The following DENND5B variants were observed in gnomAD, a reference collection of about 807,000 sequenced individuals.
DENND5B encodes the protein DENN domain-containing protein 5B.
Under a neutral mutation model 140.6 loss-of-function variants are expected in DENND5B, and 34 were observed. That is an observed-to-expected ratio of 0.24 (90% CI 0.18 to 0.32). DENND5B has a LOEUF of 0.32. DENND5B is among the 10% of genes least tolerant of loss of function. The probability of loss-of-function intolerance (pLI) is 1.00; values close to 1 mark genes in which losing one functional copy is unlikely to be tolerated. For missense variants in DENND5B, 1,142 were observed against 1,560.2 expected (o/e 0.73, Z 4.52); for synonymous variants, 551 against 562.1 (o/e 0.98, Z 0.28).
In DENND5B at chr12:31,426,288, C is replaced by T; in HGVS notation, c.2238+5G>A. On this transcript the variant is annotated splice_donor_5th_base_variant and intron_variant, in intron 9 of 20. Transcript: ENST00000389082. The stretch of plus-strand genomic sequence containing the variant: ...CACTGTCTGGCATCAGTGAATAATA[C>T]ATACCTTCATTCTACATTCTTTTAA... 1 of 1,605,222 alleles carries T rather than the reference C, an allele frequency of 6.2e-7. No individual in the cohort carries two copies. Among genetic ancestry groups the T allele is most frequent in the Non-Finnish European group, 8.5e-7 (1 of 1,175,772 alleles).
intron 1 of DENND5B, among the ~76,000 whole-genome samples, chr12:31,521,563 G>A (rs1266495843): frequency 6.6e-6 from 1 of 152,104 alleles, no homozygotes; most frequent in African/African-American, 2.4e-5. Context: ...TTTCATTTTT[G>A]TTAGTCTGTC....
chr12:31,481,193 C>G (rs543129373), intron 2 of DENND5B, among the ~76,000 whole-genome samples: 7 of 152,232 alleles, frequency 4.6e-5, no homozygotes, highest in Admixed American at 1.3e-4. Context: ...TATATTATTA[C>G]TATTTTTCTA....
chr12:31,409,757 G>T (rs1021962139), intron 13 of DENND5B, among the ~76,000 whole-genome samples: 1 of 152,042 alleles, frequency 6.6e-6, no homozygotes, highest in Admixed American at 6.5e-5. Context: ...GGGATTACAG[G>T]CATGAGCCAC....
chr12:31,387,570 A>G lies in DENND5B; in HGVS notation c.*33T>C. The G allele has an allele frequency of 6.3e-7, 1 of 1,596,838 alleles. No homozygotes were observed. The highest frequency in any genetic ancestry group is 1.1e-5 in the South Asian group (1 of 89,394). On this transcript the variant is annotated 3_prime_UTR_variant, in exon 21 of 21. Transcript: ENST00000389082. ...TCGGTCCCCTAGTTGGGGAAGGAGCAAGGTTTGGACTGAGAGTTTCTAGCC... is the reference window on the plus strand; with the variant it reads ...TCGGTCCCCTAGTTGGGGAAGGAGCGAGGTTTGGACTGAGAGTTTCTAGCC...
At position 31,515,451 on chromosome 12, in the gene DENND5B, CATTATTA is replaced by C. The variant is rs1468933782; in HGVS notation, c.128-19539_128-19533del. On this transcript the variant is annotated intron_variant, in intron 1 of 20. Transcript: ENST00000389082. ...AGATGAGAAATAACCAGGGAAACTA[CATTATTA>C]ATTTTGTACTTCTGTAAGACCATTC... Among the ~76,000 whole-genome samples, 6 of 152,264 alleles carry C rather than the reference CATTATTA, an allele frequency of 3.9e-5. No individual in the cohort carries two copies. In the East Asian group the frequency reaches 9.6e-4, roughly 24 times the overall value.
intron 1 of DENND5B, among the ~76,000 whole-genome samples, chr12:31,558,235 A>C (rs1949362315): frequency 6.6e-6 from 1 of 152,070 alleles, no homozygotes; most frequent in Non-Finnish European, 1.5e-5. Flanking sequence ...TGGTGTTCTT[A>C]ATTTCCTTAT....
intron 1 of DENND5B, among the ~76,000 whole-genome samples, chr12:31,563,402 G>C (rs889267857): frequency 9.9e-5 from 15 of 151,998 alleles, no homozygotes; most frequent in African/African-American, 3.6e-4. Flanking sequence ...ACCTCCTTTG[G>C]GGGTAAAAAC....
intron 1 of DENND5B, among the ~76,000 whole-genome samples, chr12:31,573,665 C>T (rs1020750493): frequency 6.6e-6 from 1 of 152,220 alleles, no homozygotes; most frequent in African/African-American, 2.4e-5. Flanking sequence ...CATGATTCTT[C>T]AATGGACAAT....
At chr12:31,524,214 C>CT (rs1050861985) in intron 1 of DENND5B, among the ~76,000 whole-genome samples, 3 of 152,120 alleles carry the variant, frequency 2.0e-5, no homozygotes, top group Non-Finnish European at 4.4e-5. Context: ...TTAGGAAACT[C>CT]TAAGAGGTCT....
intron 1 of DENND5B, among the ~76,000 whole-genome samples, chr12:31,581,839 T>C (rs1950217674): frequency 6.6e-6 from 1 of 152,168 alleles, no homozygotes; most frequent in African/African-American, 2.4e-5. Context: ...GTGGGATTGG[T>C]TCCAAGACTC....
chr12:31,483,110 T>G (rs1037204323), intron 2 of DENND5B, among the ~76,000 whole-genome samples: 5 of 152,238 alleles, frequency 3.3e-5, no homozygotes, highest in Admixed American at 2.0e-4. Context: ...GGTATCCACA[T>G]GACTCATTCC....
intron 1 of DENND5B, among the ~76,000 whole-genome samples, chr12:31,542,313 A>T (rs1948707120): frequency 6.6e-6 from 1 of 151,858 alleles, no homozygotes; most frequent in Non-Finnish European, 1.5e-5. Context: ...AAATTAAAAC[A>T]ATTGAACTCA....
At chr12:31,522,888 T>C (rs1478948739) in intron 1 of DENND5B, among the ~76,000 whole-genome samples, 1 of 152,126 alleles carries the variant, frequency 6.6e-6, no homozygotes, top group Non-Finnish European at 1.5e-5. Flanking sequence ...CTTCCAGTTT[T>C]ATTGAGGGTG....
chr12:31,441,292 C>A (rs1030182479), intron 7 of DENND5B, among the ~76,000 whole-genome samples: 3 of 152,068 alleles, frequency 2.0e-5, no homozygotes, highest in Admixed American at 2.0e-4. Context: ...CTATAATGAA[C>A]CATGATCGGG....
intron 2 of DENND5B, among the ~76,000 whole-genome samples, chr12:31,486,258 A>T (rs1675723376): frequency 6.6e-6 from 1 of 152,222 alleles, no homozygotes; most frequent in African/African-American, 2.4e-5. Context: ...GCTTTCTGCC[A>T]TGTGAGGATA....
intron 2 of DENND5B, among the ~76,000 whole-genome samples, chr12:31,487,371 A>G (rs1373301433): frequency 6.6e-6 from 1 of 152,084 alleles, no homozygotes; most frequent in Non-Finnish European, 1.5e-5. Flanking sequence ...TCATCATAAC[A>G]AGTTAATGAG....
chr12:31,525,411 A>G (rs564261120), intron 1 of DENND5B, among the ~76,000 whole-genome samples: 1 of 152,328 alleles, frequency 6.6e-6, no homozygotes, highest in South Asian at 2.1e-4. Flanking sequence ...AAAATATGCA[A>G]AGTGAAAGAT....
intron 8 of DENND5B, among the ~76,000 whole-genome samples, chr12:31,430,872 C>T (rs1943479578): frequency 6.6e-6 from 1 of 152,126 alleles, no homozygotes; most frequent in African/African-American, 2.4e-5. Context: ...GAAATAGCAA[C>T]ATTCCATGGA....
chr12:31,400,174 T>C (rs1232006362), intron 15 of DENND5B, among the ~76,000 whole-genome samples: 1 of 152,120 alleles, frequency 6.6e-6, no homozygotes, highest in African/African-American at 2.4e-5. Flanking sequence ...TACAAAGAGG[T>C]CAAGAAAACA....
Sources: allele counts gnomAD v4.1 joint callset (sites outside exome capture counted in the v4.1 genomes callset), GRCh38; gene constraint gnomAD v4.1.1; transcripts MANE v1.5; gene names NCBI Gene and HGNC (gene_info 2026-07-23, HGNC 2026-07-21).